ALDH8A1: variants seen among roughly 807,000 people sequenced by gnomAD.
ALDH8A1 encodes the protein aldehyde dehydrogenase 8 family member A1.
Under a neutral mutation model 43.3 loss-of-function variants are expected in ALDH8A1, and 39 were observed. The ratio of observed to expected loss-of-function variants is 0.90; its 90% CI spans 0.70 to 1.18. The LOEUF (loss-of-function observed/expected upper bound fraction) is 1.18, where lower values mean the gene tolerates loss of function less well. ALDH8A1 is among the 50% of genes most tolerant of loss of function. The pLI, the probability that ALDH8A1 is intolerant of heterozygous loss-of-function variation, is 0.00. For synonymous variants in ALDH8A1, 233 were observed against 243.5 expected, an observed-to-expected ratio of 0.96 and a Z score of 0.40; for missense variants, 605 against 622.6, an observed-to-expected ratio of 0.97 and a Z score of 0.30.
intron 4 of ALDH8A1, among the ~76,000 whole-genome samples, chr6:134,938,282 C>G (rs949303062): frequency 1.3e-5 from 2 of 152,236 alleles, no homozygotes; most frequent in African/African-American, 4.8e-5. Context: ...CACAGGAGGG[C>G]TGCTGGGGTC....
chr6:134,927,908 G>T (rs4646877), intron 6 of ALDH8A1, among the ~76,000 whole-genome samples: 6 of 152,066 alleles, frequency 3.9e-5, no homozygotes, highest in Non-Finnish European at 8.8e-5. Flanking sequence ...GAGAACAAGG[G>T]AGTCTCTTGC....
At chr6:134,927,746 C>T (rs190423963) in intron 6 of ALDH8A1, among the ~76,000 whole-genome samples, 1 of 152,236 alleles carries the variant, frequency 6.6e-6, no homozygotes, top group Non-Finnish European at 1.5e-5. Context: ...CCTGAGCCTG[C>T]TGAAAGGTAC....
intron 1 of ALDH8A1, among the ~76,000 whole-genome samples, chr6:134,945,261 C>T (rs1773931265): frequency 6.6e-6 from 1 of 152,110 alleles, no homozygotes; most frequent in Non-Finnish European, 1.5e-5. Context: ...TGCCATAGGT[C>T]ACACAGCTAA....
chr6:134,944,050 A>G, intron 1 of ALDH8A1, 84 bp from the exon 2 acceptor site: 1 of 1,439,404 alleles, frequency 6.9e-7, no homozygotes, highest in South Asian at 1.4e-5. Flanking sequence ...TCAGGTCTCC[A>G]CACACCTCAT....
chr6:134,924,314 C>T lies in ALDH8A1; in HGVS notation c.1011+4740G>A, dbSNP rs932058631. On this transcript the variant is annotated intron_variant, in intron 6 of 6. Transcript: ENST00000265605. ...ACTTGCCTGATAACAAAAACTATCA[C>T]AAGGGACTCTACAAACCACAACCTT... is the stretch of plus-strand genomic sequence containing the variant. 8.2e-4 allele frequency among the ~76,000 whole-genome samples: 125 copies of T among 152,216 alleles called. 1 individual carries two copies. The highest frequency in any genetic ancestry group is 2.9e-3 in the African/African-American group (122 of 41,450).
chr6:134,937,566 C>T (rs929681988), intron 4 of ALDH8A1, among the ~76,000 whole-genome samples: 1 of 152,212 alleles, frequency 6.6e-6, no homozygotes, highest in African/African-American at 2.4e-5. Flanking sequence ...AGGTTCAGGG[C>T]AGACTGGCTG....
chr6:134,919,583 T>TTA (rs1002815881), intron 6 of ALDH8A1, among the ~76,000 whole-genome samples: 1 of 152,030 alleles, frequency 6.6e-6, no homozygotes, highest in Non-Finnish European at 1.5e-5. Flanking sequence ...CTCATAATAA[T>TTA]TATATATATA....
intron 5 of ALDH8A1, among the ~76,000 whole-genome samples, chr6:134,931,240 C>T (rs1295935512): frequency 6.6e-6 from 1 of 152,008 alleles, no homozygotes; most frequent in African/African-American, 2.4e-5. Context: ...TTCTTATCTC[C>T]ATGTTCAGAA....
At chr6:134,935,647 G>A (rs1482164847) in intron 4 of ALDH8A1, among the ~76,000 whole-genome samples, 2 of 152,074 alleles carry the variant, frequency 1.3e-5, no homozygotes, top group African/African-American at 2.4e-5. Context: ...GCAGCATCTC[G>A]GCTTTGTGAC....
At chr6:134,938,716 C>T (rs567767831) in intron 4 of ALDH8A1, among the ~76,000 whole-genome samples, 2 of 152,150 alleles carry the variant, frequency 1.3e-5, no homozygotes, top group South Asian at 2.1e-4. Flanking sequence ...GGTGCAATCT[C>T]GGCTCACTGC....
intron 3 of ALDH8A1, among the ~76,000 whole-genome samples, chr6:134,941,990 C>T (rs1204515821): frequency 3.3e-5 from 5 of 151,810 alleles, no homozygotes; most frequent in African/African-American, 9.7e-5. Flanking sequence ...GAGGCCGAGG[C>T]GGGAGGATAA....
At chr6:134,921,409 A>G (rs539449843) in intron 6 of ALDH8A1, among the ~76,000 whole-genome samples, 6 of 152,324 alleles carry the variant, frequency 3.9e-5, no homozygotes, top group African/African-American at 1.4e-4. Flanking sequence ...CTCAGCAGGT[A>G]GAAAGAAAAA....
At chr6:134,932,744 G>C (rs1369589598) in intron 5 of ALDH8A1, 32 bp downstream of exon 5, 1 of 1,606,446 alleles carries the variant, frequency 6.2e-7, no homozygotes, top group African/African-American at 1.3e-5. Context: ...CAGGGCCATG[G>C]AGGGGAGGGA....
rs150945842 is a variant in ALDH8A1 at position 134,930,225 on chromosome 6, A to C, written c.850-1010T>G. Among the ~76,000 whole-genome samples, 601 of 152,270 alleles carry C rather than the reference A, an allele frequency of 3.9e-3. 11 individuals carry two copies. Among genetic ancestry groups the C allele is most frequent in the African/African-American group, 0.014 (578 of 41,548 alleles). ...GTTGTTCCCTGGAAGGGCAGACACG[A>C]GGTGGAAAGAGGATTGGTATTGCAA... On this transcript the variant is annotated intron_variant, in intron 5 of 6. Transcript: ENST00000265605.
chr6:134,945,727 C>T (rs1431402134), intron 1 of ALDH8A1, among the ~76,000 whole-genome samples: 3 of 152,096 alleles, frequency 2.0e-5, no homozygotes, highest in African/African-American at 7.2e-5. Context: ...TTTTGGGGCG[C>T]TTGACCCGAA....
chr6:134,938,550 G>A (rs1773790615), intron 4 of ALDH8A1, among the ~76,000 whole-genome samples: 1 of 152,142 alleles, frequency 6.6e-6, no homozygotes, highest in Non-Finnish European at 1.5e-5. Context: ...GTATTCTATA[G>A]CCAAGCAAAC....
At chr6:134,937,864 C>T (rs1773773366) in intron 4 of ALDH8A1, among the ~76,000 whole-genome samples, 1 of 152,284 alleles carries the variant, frequency 6.6e-6, no homozygotes, top group South Asian at 2.1e-4. Flanking sequence ...CGCCCCACCC[C>T]CTCCACCTCG....
At position 134,921,305 on chromosome 6, in the gene ALDH8A1, T is replaced by G. The variant is rs180975419; in HGVS notation, c.1012-2438A>C. Among the ~76,000 whole-genome samples, 50 of 152,296 alleles carry G rather than the reference T, an allele frequency of 3.3e-4. 1 individual carries two copies. Among genetic ancestry groups the G allele is most frequent in the Middle Eastern group, 3.4e-3 (1 of 294 alleles). On this transcript the variant is annotated intron_variant, in intron 6 of 6. Transcript: ENST00000265605. ...TCTTCTGTGCTTCCTCCGGCCTCAT[T>G]GTAAACCCTCCAGAATTCTCTCCAT...
At chr6:134,927,090 G>A (rs1776896661) in intron 6 of ALDH8A1, among the ~76,000 whole-genome samples, 1 of 152,190 alleles carries the variant, frequency 6.6e-6, no homozygotes, top group Non-Finnish European at 1.5e-5. Context: ...CCTCCAGTGG[G>A]CTCAGAAGGA....
Sources: gnomAD v4.1 joint callset for allele counts (sites outside exome capture counted in the v4.1 genomes callset) on GRCh38, gnomAD v4.1.1 for gene constraint, MANE v1.5 for transcripts, NCBI Gene and HGNC (gene_info 2026-07-23, HGNC 2026-07-21) for gene names.